AFF1: variants seen among roughly 807,000 people sequenced by gnomAD.
AFF1 encodes the protein AF4/FMR2 family member 1.
Under a neutral mutation model 121.7 loss-of-function variants are expected in AFF1, and 48 were observed. The ratio of observed to expected loss-of-function variants is 0.39; its 90% CI spans 0.31 to 0.50. The LOEUF is 0.50. Among genes scored for constraint, AFF1 ranks in the 20% least tolerant of loss-of-function variants. AFF1 has a pLI of 0.76. For synonymous variants in AFF1, 613 were observed against 563.0 expected (o/e 1.09, Z -1.26); for missense variants, 1,523 against 1,511.7 (o/e 1.01, Z -0.12).
chr4:86,993,381 C>T (rs1486516416), intron 2 of AFF1, among the ~76,000 whole-genome samples: 1 of 152,106 alleles, frequency 6.6e-6, no homozygotes, highest in East Asian at 1.9e-4. Flanking sequence ...ATGAGGAAAA[C>T]ATCCCTGCAG....
chr4:87,136,013 CCAG>C lies in AFF1; in HGVS notation c.*316_*318del, dbSNP rs996604111. On this transcript the variant is annotated 3_prime_UTR_variant, in exon 21 of 21. Transcript: ENST00000395146. ...GAAACATTTCTATTTTTTTTTTAAA[CCAG>C]CAGGATACAAGTTGCAAATGAAATG... 5.0e-5 allele frequency: 14 copies of C among 282,614 alleles called. No individual in the cohort carries two copies. The highest frequency in any genetic ancestry group is 9.2e-5 in the Non-Finnish European group (14 of 152,400). The allele number at this position is 282,614 out of a possible 1,614,324, so 17.5% of individuals were successfully genotyped here. A position where few individuals can be genotyped will look rare whatever the true frequency, so the allele number is the denominator to read the frequency against.
intron 1 of AFF1, among the ~76,000 whole-genome samples, chr4:86,939,323 T>C (rs866769435): frequency 1.3e-5 from 2 of 152,222 alleles, no homozygotes; most frequent in Non-Finnish European, 2.9e-5. Flanking sequence ...CTTTCTACTA[T>C]GGTACACTGT....
intron 2 of AFF1, among the ~76,000 whole-genome samples, chr4:86,964,575 C>T (rs975750946): frequency 2.0e-5 from 3 of 151,838 alleles, no homozygotes; most frequent in African/African-American, 7.3e-5. Flanking sequence ...GCTGGGGTTA[C>T]AGGCATGTGC....
chr4:87,010,028 T>A (rs1357658682), intron 2 of AFF1, among the ~76,000 whole-genome samples: 2 of 152,240 alleles, frequency 1.3e-5, no homozygotes, highest in African/African-American at 4.8e-5. Flanking sequence ...GCAAATGGAT[T>A]AGGCGGTGTA....
At chr4:87,130,375 T>G (rs1233932592) in intron 16 of AFF1, among the ~76,000 whole-genome samples, 1 of 152,316 alleles carries the variant, frequency 6.6e-6, no homozygotes, top group South Asian at 2.1e-4. Context: ...ATACGCCACA[T>G]GTAGAGAGAA....
chr4:87,131,770 T>A (rs1373420699), intron 17 of AFF1, 23 bp from the exon 18 acceptor site: 1 of 1,554,768 alleles, frequency 6.4e-7, no homozygotes. Flanking sequence ...TAAAACCTGA[T>A]GTACTTTTAT....
At chr4:87,109,471 T>A (rs1017049532) in intron 11 of AFF1, among the ~76,000 whole-genome samples, 10 of 152,228 alleles carry the variant, frequency 6.6e-5, no homozygotes, top group Non-Finnish European at 2.9e-5. Flanking sequence ...TTTTAGAAAC[T>A]ACACTGTGTT....
At chr4:86,973,358 G>A (rs78951220) in intron 2 of AFF1, among the ~76,000 whole-genome samples, 3 of 152,260 alleles carry the variant, frequency 2.0e-5, no homozygotes, top group Admixed American at 6.5e-5. Context: ...GTGAGGTTTC[G>A]GTGTGGTGTA....
At chr4:87,005,880 T>C (rs556087068) in intron 2 of AFF1, among the ~76,000 whole-genome samples, 2 of 152,360 alleles carry the variant, frequency 1.3e-5, no homozygotes, top group African/African-American at 4.8e-5. Context: ...CTTTGGTTAG[T>C]GCGAAGGCGC....
intron 2 of AFF1, among the ~76,000 whole-genome samples, chr4:86,958,333 T>G (rs903117011): frequency 6.6e-6 from 1 of 151,330 alleles, no homozygotes; most frequent in Admixed American, 6.6e-5. Flanking sequence ...TCAAGTGATC[T>G]GCCCAACTCA....
intron 4 of AFF1, among the ~76,000 whole-genome samples, chr4:87,058,383 A>T (rs1720374315): frequency 6.6e-6 from 1 of 152,154 alleles, no homozygotes; most frequent in African/African-American, 2.4e-5. Flanking sequence ...GATTCAAATG[A>T]CAGGATGAGT....
At chr4:87,049,694 G>A (rs1222664771) in intron 4 of AFF1, 4 of 456,058 alleles carry the variant, frequency 8.8e-6, no homozygotes, top group Middle Eastern at 3.3e-4. Context: ...CTCTGGTCTC[G>A]GCCCGAGTTC....
intron 6 of AFF1, among the ~76,000 whole-genome samples, chr4:87,091,056 CA>C (rs1304738155): frequency 5.0e-5 from 7 of 139,782 alleles, no homozygotes. Context: ...GTTCTATCTA[CA>C]AAAACTCAAA....
chr4:86,982,319 G>C (rs1483427780), intron 2 of AFF1, among the ~76,000 whole-genome samples: 1 of 143,880 alleles, frequency 7.0e-6, no homozygotes, highest in Admixed American at 7.1e-5. Context: ...GCAAAGAAAA[G>C]ATGTTCACAT....
intron 19 of AFF1, among the ~76,000 whole-genome samples, chr4:87,133,426 C>G (rs145898979): frequency 6.6e-6 from 1 of 152,228 alleles, no homozygotes; most frequent in African/African-American, 2.4e-5. Context: ...GAAGAGACTC[C>G]CATATGGCCT....
chr4:87,115,374 C>T, intron 12 of AFF1, 75 bp downstream of exon 12: 4 of 1,398,756 alleles, frequency 2.9e-6, no homozygotes, highest in Middle Eastern at 1.9e-4. Context: ...TTTGATCGGC[C>T]TTTGATTTAG....
At chr4:87,088,973 G>A (rs1040749972) in intron 5 of AFF1, among the ~76,000 whole-genome samples, 1 of 152,148 alleles carries the variant, frequency 6.6e-6, no homozygotes, top group East Asian at 1.9e-4. Flanking sequence ...TTGAACTCCC[G>A]ATCTCAGGTG....
At chr4:87,070,592 G>T (rs1160749117) in intron 4 of AFF1, among the ~76,000 whole-genome samples, 1 of 152,260 alleles carries the variant, frequency 6.6e-6, no homozygotes, top group Non-Finnish European at 1.5e-5. Context: ...ATTTATGCAT[G>T]TGCATGCACA....
intron 4 of AFF1, among the ~76,000 whole-genome samples, chr4:87,083,268 A>C (rs1338323523): frequency 6.6e-6 from 1 of 152,244 alleles, no homozygotes; most frequent in African/African-American, 2.4e-5. Context: ...TATTAGGAAG[A>C]GGTAGAAATA....
Sources: gnomAD v4.1 joint callset for allele counts (sites outside exome capture counted in the v4.1 genomes callset) on GRCh38, gnomAD v4.1.1 for gene constraint, MANE v1.5 for transcripts, NCBI Gene and HGNC (gene_info 2026-07-23, HGNC 2026-07-21) for gene names.